CILP: variants seen among roughly 807,000 people sequenced by gnomAD.
CILP encodes cartilage intermediate layer protein.
Under a neutral mutation model 82.5 loss-of-function variants are expected in CILP, and 75 were observed. The observed-to-expected ratio is 0.91, with a 90% CI of 0.75 to 1.10. The LOEUF (loss-of-function observed/expected upper bound fraction) is 1.10, where lower values mean the gene tolerates loss of function less well. CILP is among the 50% of genes least tolerant of loss of function. The pLI is 0.00. For missense variants in CILP, 1,479 were observed against 1,530.8 expected, an observed-to-expected ratio of 0.97 and a Z score of 0.56; for synonymous variants, 530 against 580.3, an observed-to-expected ratio of 0.91 and a Z score of 1.25.
Position 65,206,852 on chromosome 15 carries a change from C to A in CILP, c.354G>T (p.Trp118Cys). The A allele has an allele frequency of 3.7e-6, 6 of 1,614,070 alleles. No individual in the cohort carries two copies. The highest frequency in any genetic ancestry group is 5.1e-6 in the Non-Finnish European group (6 of 1,180,016). The part of the protein sequence containing the change: ...VVHGSPREGF[W>C]CLNREQRPGQ... Reference sequence around the variant, plus strand: ...CAGGCCGCTGCTCCCTGTTGAGGCACCAGAAACCCTCACGGGGACTACCAT... The same window carrying A: ...CAGGCCGCTGCTCCCTGTTGAGGCAACAGAAACCCTCACGGGGACTACCAT... The change falls in exon 4 of 9, where the codon TGG (tryptophan) becomes TGT (cysteine). Residue 118 changes from tryptophan to cysteine, a missense_variant. Transcript: ENST00000261883.
chr15:65,205,365 T>C lies in CILP; in HGVS notation c.526A>G (p.Ile176Val). Residue 176 changes from isoleucine to valine, a missense_variant, in exon 5 of 9, where the codon ATT becomes GTT. By Grantham distance (29) the Ile-to-Val change is conservative. Transcript: ENST00000261883. Reference sequence around the variant, plus strand: ...AGCGACACCATCTCTGCCAAGCAAATGCGTGTGCGAGTCTGGACCCCAGTC... The same window carrying C: ...AGCGACACCATCTCTGCCAAGCAAACGCGTGTGCGAGTCTGGACCCCAGTC... ...GQTGVQTRTR[I>V]CLAEMVSLCS... is the part of the protein sequence containing the mutation. The C allele has an allele frequency of 6.2e-7, 1 of 1,614,080 alleles. No individual in the cohort carries two copies. Among genetic ancestry groups the C allele is most frequent in the Non-Finnish European group, 8.5e-7 (1 of 1,180,026 alleles).
At chr15:65,200,911 C>A (rs1368326929) in intron 8 of CILP, among the ~76,000 whole-genome samples, 1 of 152,226 alleles carries the variant, frequency 6.6e-6, no homozygotes, top group Admixed American at 6.5e-5. Context: ...CCTCAAGTAG[C>A]CATCCATGGT....
At position 65,197,427 on chromosome 15, in the gene CILP, G is replaced by T. The variant is rs371441372; in HGVS notation, c.2859C>A (p.Ala953=). 3 of 1,614,086 alleles carry T rather than the reference G, an allele frequency of 1.9e-6. No individual in the cohort carries two copies. Among genetic ancestry groups the T allele is most frequent in the Non-Finnish European group, 2.5e-6 (3 of 1,180,044 alleles). ...AWWPKPMEFR[A]CYIKVKIVGP... is the part of the protein sequence containing the mutation. ...CCACAATCTTCACCTTGATATAGCA[G>T]GCCCTGAATTCCATCGGCTTTGGCC... The change falls in exon 9 of 9, where the codon GCC becomes GCA. Residue 953 remains alanine (A), a synonymous_variant. Transcript: ENST00000261883.
chr15:65,208,913 G>A (rs554274836), intron 2 of CILP, among the ~76,000 whole-genome samples: 1 of 152,126 alleles, frequency 6.6e-6, no homozygotes, highest in South Asian at 2.1e-4. Context: ...GCAGGAGGCA[G>A]GCACATACAG....
intron 7 of CILP, among the ~76,000 whole-genome samples, chr15:65,202,230 G>C (rs1321729509): frequency 6.6e-6 from 1 of 152,074 alleles, no homozygotes. Flanking sequence ...GCCCTACCAC[G>C]TACCTGGCTG....
intron 5 of CILP, 92 bp downstream of exon 5, chr15:65,205,195 A>G (rs2088503969): frequency 8.3e-7 from 1 of 1,197,670 alleles, no homozygotes; most frequent in Non-Finnish European, 1.2e-6. Flanking sequence ...AAATGAAGGA[A>G]TCCATCAGTC....
chr15:65,209,231 G>C (rs983357798), intron 2 of CILP, among the ~76,000 whole-genome samples: 1 of 151,940 alleles, frequency 6.6e-6, no homozygotes, highest in Admixed American at 6.6e-5. Context: ...AGACCGGAAG[G>C]GGTTCTGGTG....
intron 8 of CILP, among the ~76,000 whole-genome samples, chr15:65,201,549 C>G (rs536411120): frequency 1.3e-5 from 2 of 151,540 alleles, no homozygotes; most frequent in Non-Finnish European, 2.9e-5. Context: ...GCCAACATGG[C>G]GAAACACCAT....
In CILP at chr15:65,205,342, C is replaced by T. The variant is rs200090554; in HGVS notation, c.549G>A (p.Ser183=). The change falls in exon 5 of 9, where the codon TCG becomes TCA. Residue 183 remains serine (S), a synonymous_variant. Transcript: ENST00000261883. ...CCTCTTCGCTGGCCTCACTGCACAG[C>T]GACACCATCTCTGCCAAGCAAATGC... ...RTRICLAEMV[S]LCSEASEEGQ... 2.5e-4 allele frequency: 408 copies of T among 1,613,990 alleles called. No homozygotes were observed. Among genetic ancestry groups the T allele is most frequent in the Non-Finnish European group, 3.2e-4 (380 of 1,180,038 alleles).
At chr15:65,202,303 T>C (rs1207573477) in intron 7 of CILP, among the ~76,000 whole-genome samples, 2 of 152,198 alleles carry the variant, frequency 1.3e-5, no homozygotes, top group Non-Finnish European at 2.9e-5. Context: ...TTCTGGTCTA[T>C]AAAATGTCAG....
intron 8 of CILP, among the ~76,000 whole-genome samples, chr15:65,201,237 G>C (rs779091788): frequency 2.6e-5 from 4 of 152,064 alleles, no homozygotes; most frequent in Non-Finnish European, 4.4e-5. Flanking sequence ...CCAAACCTGA[G>C]GTGATCCATC....
rs562122822 is a variant in CILP, at chr15:65,198,077, G to A, written c.2209C>T (p.Arg737Cys). ...TCCAGGTTAAAGAGCCTCCTCTCAC[G>A]AATCTCCAGGTTGCCCACCAGGAAG... ...RTFLVGNLEI[R>C]ERRLFNLDVP... Residue 737 changes from arginine to cysteine, a missense_variant, in exon 9 of 9, where the codon CGT (arginine) becomes TGT (cysteine). Transcript: ENST00000261883. 1.7e-5 allele frequency: 27 copies of A among 1,614,192 alleles called. No individual in the cohort carries two copies. The East Asian group carries it at 2.9e-4, about 17-fold the overall frequency.
chr15:65,201,745 A>AG, intron 8 of CILP, 127 bp downstream of exon 8: 4 of 528,770 alleles, frequency 7.6e-6, no homozygotes, highest in Admixed American at 4.5e-5. Context: ...AAAAAAAAAA[A>AG]AAAAAGAAAG....
Position 65,207,026 on chromosome 15 carries a change from G to A in CILP, c.180C>T (p.Phe60=). The A allele has an allele frequency of 6.2e-7, 1 of 1,613,638 alleles. No homozygotes were observed. Among genetic ancestry groups the A allele is most frequent in the Non-Finnish European group, 8.5e-7 (1 of 1,179,976 alleles). Residue 60 remains phenylalanine (F), a synonymous_variant, in exon 4 of 9, where the codon TTC becomes TTT. Transcript: ENST00000261883. Reference sequence around the variant, plus strand: ...CCTTCCCGCCTGGGTAGTCGATGTTGAACCATGTTGTCCACTCACCAGGGC... The same window carrying A: ...CCTTCCCGCCTGGGTAGTCGATGTTAAACCATGTTGTCCACTCACCAGGGC... ...LESPGEWTTW[F]NIDYPGGKGD...
intron 4 of CILP, 24 bp downstream of exon 4, chr15:65,206,757 TG>T: frequency 7.0e-7 from 1 of 1,428,542 alleles, no homozygotes; most frequent in Non-Finnish European, 9.3e-7. Flanking sequence ...AAGTAGCGGG[TG>T]GGGGTGGGGG....
rs1384561341 is a variant in CILP, at chr15:65,195,403, C to A, written c.*1328G>T. On this transcript the variant is annotated 3_prime_UTR_variant, in exon 9 of 9. Coordinates refer to ENST00000261883, the MANE Select transcript of CILP (RefSeq NM_003613.4). ...CCTATCCAACCCCACACCCCACTAC[C>A]CTGACTGTAATGCCGCTGAGATCGC... 1 of 152,240 alleles carries A rather than the reference C, an allele frequency of 6.6e-6. No individual in the cohort carries two copies. Among genetic ancestry groups the A allele is most frequent in the African/African-American group, 2.4e-5 (1 of 41,454 alleles). 9.4% of individuals were successfully genotyped at this position (152,240 alleles called of 1,614,324 possible).
chr15:65,198,381 G>A lies in CILP; in HGVS notation c.1905C>T (p.Ala635=). 6.2e-7 allele frequency: 1 copy of A among 1,614,196 alleles called. No homozygotes were observed. The highest frequency in any genetic ancestry group is 1.1e-5 in the South Asian group (1 of 91,082). The part of the protein sequence containing the change: ...TFLDPRNIST[A]TAAQTDLNFI... ...AGTTCAGGTCAGTCTGGGCAGCTGTGGCTGTGGAAATATTCCGGGGATCCA... is the reference window on the plus strand; with the variant it reads ...AGTTCAGGTCAGTCTGGGCAGCTGTAGCTGTGGAAATATTCCGGGGATCCA... Residue 635 remains alanine, a synonymous_variant, in exon 9 of 9, where the codon GCC becomes GCT. Coordinates refer to ENST00000261883, the MANE Select transcript of CILP (RefSeq NM_003613.4).
intron 4 of CILP, among the ~76,000 whole-genome samples, chr15:65,206,275 A>G (rs1451368772): frequency 6.6e-6 from 1 of 152,196 alleles, no homozygotes; most frequent in Non-Finnish European, 1.5e-5. Flanking sequence ...TATCTGGCAC[A>G]TAGGAACAAG....
chr15:65,194,857 A>ACCCCCCCCCC lies in CILP; in HGVS notation c.*1873_*1874insGGGGGGGGGG, dbSNP rs1238102038. 2.8e-5 allele frequency: 2 copies of ACCCCCCCCCC among 71,032 alleles called. No homozygotes were observed. The highest frequency in any genetic ancestry group is 5.7e-5 in the African/African-American group (1 of 17,696). 4.4% of individuals were successfully genotyped at this position (71,032 alleles called of 1,614,324 possible). The stretch of plus-strand genomic sequence containing the variant: ...GTCAGCCCACCTTCCCCAGCAACCC[A>ACCCCCCCCCC]CCCCCCCCCGACCCTCCCCCTCCCC... On this transcript the variant is annotated 3_prime_UTR_variant, in exon 9 of 9. Coordinates refer to ENST00000261883, the MANE Select transcript of CILP (RefSeq NM_003613.4).
Sources: allele counts gnomAD v4.1 joint callset (sites outside exome capture counted in the v4.1 genomes callset), GRCh38; gene constraint gnomAD v4.1.1; transcripts MANE v1.5; gene names NCBI Gene and HGNC (gene_info 2026-07-23, HGNC 2026-07-21).